The following CDH3 variants were observed in gnomAD, a reference collection of about 807,000 sequenced individuals.
CDH3 encodes cadherin-3.
Under a neutral mutation model 82.0 loss-of-function variants are expected in CDH3, and 54 were observed. The observed-to-expected ratio is 0.66, with a 90% CI of 0.53 to 0.83. The LOEUF is 0.83. Among genes scored for constraint, CDH3 ranks in the 40% least tolerant of loss-of-function variants. The pLI is 0.00. For missense variants in CDH3, 1,054 were observed against 1,084.6 expected (o/e 0.97, Z 0.40); for synonymous variants, 446 against 437.9 (o/e 1.02, Z -0.23).
At chr16:68,669,487 A>G (rs1960827657) in intron 2 of CDH3, among the ~76,000 whole-genome samples, 1 of 152,076 alleles carries the variant, frequency 6.6e-6, no homozygotes, top group African/African-American at 2.4e-5. Context: ...ATACTGTGCT[A>G]CAAATATGTG....
intron 1 of CDH3, among the ~76,000 whole-genome samples, chr16:68,706,909 C>G (rs777382151): frequency 1.3e-5 from 2 of 152,114 alleles, no homozygotes; most frequent in African/African-American, 2.4e-5. Context: ...GGTAGAGGCC[C>G]TTGCTGCCCA....
chr16:68,654,379 A>ATTTTTTTTT (rs1312856091), intron 2 of CDH3, among the ~76,000 whole-genome samples: 1 of 71,546 alleles, frequency 1.4e-5, no homozygotes, highest in Non-Finnish European at 2.7e-5. Context: ...TTTTTAAATT[A>ATTTTTTTTT]ATTTTTTTTT....
chr16:68,676,022 C>G (rs1961024912), intron 2 of CDH3, among the ~76,000 whole-genome samples: 1 of 152,114 alleles, frequency 6.6e-6, no homozygotes, highest in African/African-American at 2.4e-5. Flanking sequence ...AATAGACTCT[C>G]ACAGCCTTCA....
chr16:68,655,473 A>G (rs1306038296), intron 2 of CDH3, among the ~76,000 whole-genome samples: 1 of 152,222 alleles, frequency 6.6e-6, no homozygotes, highest in Non-Finnish European at 1.5e-5. Context: ...CAAAATGTGC[A>G]AAAATCCTGG....
intron 12 of CDH3, among the ~76,000 whole-genome samples, chr16:68,690,085 G>A (rs574751451): frequency 4.6e-5 from 7 of 152,258 alleles, no homozygotes; most frequent in South Asian, 2.1e-4. Context: ...GGATTGCCAC[G>A]CAGTCTCCCC....
At chr16:68,663,310 C>T (rs1043118570) in intron 2 of CDH3, among the ~76,000 whole-genome samples, 2 of 151,408 alleles carry the variant, frequency 1.3e-5, no homozygotes, top group Admixed American at 1.3e-4. Context: ...CTGCAACCTC[C>T]GTCTCTGCCT....
At chr16:68,653,808 T>G (rs1380377058) in intron 2 of CDH3, among the ~76,000 whole-genome samples, 5 of 150,218 alleles carry the variant, frequency 3.3e-5, no homozygotes, top group African/African-American at 9.8e-5. Context: ...TCCTGCCTCA[T>G]CCTCCCAAGT....
At chr16:68,725,958 G>A (rs958540870) in intron 2 of CDH3, among the ~76,000 whole-genome samples, 7 of 152,130 alleles carry the variant, frequency 4.6e-5, no homozygotes, top group Non-Finnish European at 7.3e-5. Flanking sequence ...AAGAGGCTGA[G>A]GTGGAAGGAT....
chr16:68,724,662 A>G lies in CDH3; in HGVS notation c.*45+2046A>G, dbSNP rs1001386268. ...AAAAAAATGGTCTCGAGACCTGTCA[A>G]TTCCCCACACTACGTTGTCTGGCCA... On this transcript the variant is annotated intron_variant, in intron 2 of 2. Coordinates refer to the CDH3 transcript ENST00000569080. 8.6e-5 allele frequency among the ~76,000 whole-genome samples: 13 copies of G among 151,552 alleles called. No homozygotes were observed. The East Asian group carries it at 2.5e-3, about 29-fold the overall frequency.
chr16:68,732,709 C>T, the CDH3 span, among the ~76,000 whole-genome samples: 3 of 152,216 alleles, frequency 2.0e-5, no homozygotes, highest in Admixed American at 6.5e-5. Flanking sequence ...TGGGCCTTAT[C>T]ACCTGCACGG....
At chr16:68,678,396 A>T in intron 4 of CDH3, 105 bp from the exon 5 acceptor site, 1 of 1,579,280 alleles carries the variant, frequency 6.3e-7, no homozygotes, top group Non-Finnish European at 8.7e-7. Context: ...TCTCCTGTTC[A>T]GTGAGCAGAT....
rs181531493 is a variant in CDH3 at position 68,654,811 on chromosome 16, G to A, written c.160+9061G>A. Among the ~76,000 whole-genome samples the A allele has an allele frequency of 7.8e-3, 1,165 of 150,100 alleles. 19 individuals carry two copies. Among genetic ancestry groups the A allele is most frequent in the African/African-American group, 0.027 (1,106 of 40,910 alleles). ...AGCACTTTGGGAGGCCAAGGTGGGCGGATCACCTGAGGTCAGGAGTTCAAG... is the reference window on the plus strand; with the variant it reads ...AGCACTTTGGGAGGCCAAGGTGGGCAGATCACCTGAGGTCAGGAGTTCAAG... On this transcript the variant is annotated intron_variant, in intron 2 of 15. Transcript: ENST00000264012.
downstream of CDH3, among the ~76,000 whole-genome samples, chr16:68,704,024 C>T (rs1961928912): frequency 6.6e-6 from 1 of 152,146 alleles, no homozygotes; most frequent in East Asian, 1.9e-4. Context: ...CGGTGGCTCA[C>T]GCTTGTAATC....
chr16:68,722,462 C>G (rs1247298395), exon 2 of CDH3: 1 of 152,274 alleles, frequency 6.6e-6, no homozygotes, highest in Non-Finnish European at 1.5e-5. Context: ...TGGCAGGAAG[C>G]TCTTGCCACC....
intron 4 of CDH3, 80 bp from the exon 5 acceptor site, chr16:68,678,421 G>A: frequency 1.3e-6 from 2 of 1,580,120 alleles, no homozygotes; most frequent in East Asian, 4.5e-5. Flanking sequence ...CTATGGCAGT[G>A]CCCCTCTTCA....
At chr16:68,667,018 A>G (rs1380498240) in intron 2 of CDH3, among the ~76,000 whole-genome samples, 1 of 152,080 alleles carries the variant, frequency 6.6e-6, no homozygotes, top group African/African-American at 2.4e-5. Flanking sequence ...AGGCATTTTA[A>G]TTTGCCAGAA....
At chr16:68,720,196 C>T (rs901278369) in intron 1 of CDH3, among the ~76,000 whole-genome samples, 1 of 151,604 alleles carries the variant, frequency 6.6e-6, no homozygotes, top group African/African-American at 2.4e-5. Context: ...AAAAACCTCA[C>T]AGAACTGAAT....
intron 2 of CDH3, among the ~76,000 whole-genome samples, chr16:68,664,519 A>C (rs1162832342): frequency 6.6e-6 from 1 of 152,194 alleles, no homozygotes; most frequent in Non-Finnish European, 1.5e-5. Flanking sequence ...TGGATTTTTT[A>C]AATTGTTTGC....
At chr16:68,717,140 T>G (rs1458588039) in intron 1 of CDH3, among the ~76,000 whole-genome samples, 1 of 152,220 alleles carries the variant, frequency 6.6e-6, no homozygotes, top group African/African-American at 2.4e-5. Context: ...ATTTTTCTTA[T>G]TTTTGCTTAT....
Sources: gnomAD v4.1 joint callset for allele counts (sites outside exome capture counted in the v4.1 genomes callset) on GRCh38, gnomAD v4.1.1 for gene constraint, MANE v1.5 for transcripts, NCBI Gene and HGNC (gene_info 2026-07-23, HGNC 2026-07-21) for gene names.